The following DPYD variants were observed in gnomAD, a reference collection of about 807,000 sequenced individuals.
The protein encoded by DPYD is dihydropyrimidine dehydrogenase [NADP(+)].
In DPYD, 109 loss-of-function variants were observed where a neutral mutation model predicts 116.2. That is an observed-to-expected ratio of 0.94 (90% CI 0.80 to 1.10). The LOEUF (loss-of-function observed/expected upper bound fraction) is 1.10. DPYD is among the 50% of genes least tolerant of loss of function. DPYD has a pLI of 0.00. For synonymous variants in DPYD, 440 were observed against 432.0 expected (o/e 1.02, Z -0.23); for missense variants, 1,302 against 1,254.5 (o/e 1.04, Z -0.57).
At chr1:97,894,969 A>C (rs1672981055) in intron 1 of DPYD, among the ~76,000 whole-genome samples, 1 of 151,742 alleles carries the variant, frequency 6.6e-6, no homozygotes, top group South Asian at 2.1e-4. Flanking sequence ...CATATGTATA[A>C]ATTTATACAA....
chr1:97,301,062 A>G (rs951835584), intron 18 of DPYD, among the ~76,000 whole-genome samples: 10 of 152,100 alleles, frequency 6.6e-5, no homozygotes, highest in African/African-American at 2.4e-4. Flanking sequence ...TATCTCACAC[A>G]GCTAGATTTC....
At chr1:97,663,302 T>C (rs533335042) in intron 8 of DPYD, among the ~76,000 whole-genome samples, 28 of 152,292 alleles carry the variant, frequency 1.8e-4, no homozygotes, top group African/African-American at 6.5e-4. Flanking sequence ...TTTTATTTTA[T>C]TGGGTAATTG....
At chr1:97,134,359 C>T (rs1653620968) in intron 20 of DPYD, among the ~76,000 whole-genome samples, 1 of 152,020 alleles carries the variant, frequency 6.6e-6, no homozygotes, top group Non-Finnish European at 1.5e-5. Context: ...TTGGTATTCT[C>T]ACATCGTATG....
At chr1:97,233,487 G>A (rs759129805) in intron 19 of DPYD, among the ~76,000 whole-genome samples, 2 of 152,112 alleles carry the variant, frequency 1.3e-5, no homozygotes, top group Non-Finnish European at 1.5e-5. Flanking sequence ...GAGGGTGGAC[G>A]TCTAAGATCC....
intron 14 of DPYD, among the ~76,000 whole-genome samples, chr1:97,414,657 C>T (rs887659819): frequency 6.6e-6 from 1 of 152,200 alleles, no homozygotes; most frequent in Non-Finnish European, 1.5e-5. Flanking sequence ...TCATTTCTTA[C>T]TGGACTCTTA....
intron 1 of DPYD, among the ~76,000 whole-genome samples, chr1:97,891,867 A>T (rs1672796841): frequency 6.6e-6 from 1 of 151,860 alleles, no homozygotes; most frequent in Non-Finnish European, 1.5e-5. Context: ...TACCCTTTGC[A>T]TTCGAACTTA....
At chr1:97,367,657 G>A (rs1345583647) in intron 16 of DPYD, among the ~76,000 whole-genome samples, 3 of 152,030 alleles carry the variant, frequency 2.0e-5, no homozygotes, top group East Asian at 1.9e-4. Context: ...GTAAAGCTAC[G>A]GCAGTCTTCT....
intron 3 of DPYD, among the ~76,000 whole-genome samples, chr1:97,783,268 G>A (rs1252370681): frequency 6.6e-6 from 1 of 152,214 alleles, no homozygotes; most frequent in African/African-American, 2.4e-5. Context: ...TATACAAGAT[G>A]ACTTACACCA....
chr1:97,446,479 G>A (rs1429380567), intron 14 of DPYD, among the ~76,000 whole-genome samples: 1 of 152,146 alleles, frequency 6.6e-6, no homozygotes, highest in Non-Finnish European at 1.5e-5. Context: ...TGTGTACAAT[G>A]CTGATCTCTC....
intron 14 of DPYD, among the ~76,000 whole-genome samples, chr1:97,421,336 C>T (rs755914320): frequency 1.4e-4 from 21 of 152,084 alleles, no homozygotes; most frequent in Admixed American, 2.0e-4. Flanking sequence ...CAGAGATTAA[C>T]TATTTGCATG....
intron 16 of DPYD, among the ~76,000 whole-genome samples, chr1:97,348,536 T>C (rs559871234): frequency 3.9e-4 from 60 of 152,300 alleles, no homozygotes; most frequent in African/African-American, 1.4e-3. Flanking sequence ...CCACTTTGTC[T>C]GCACCTGGCT....
rs184401102 is a variant in DPYD, at chr1:97,665,514, G to A, written c.850+13581C>T. On this transcript the variant is annotated intron_variant, in intron 8 of 22. Transcript: ENST00000370192. ...ATAAAAAATTGAATTAGTCAGTCTT[G>A]AATTTAATAAATTTTTACAATAGAT... Among the ~76,000 whole-genome samples the A allele has an allele frequency of 1.3e-3, 194 of 152,078 alleles. 1 individual carries two copies. Among genetic ancestry groups the A allele is most frequent in the Non-Finnish European group, 2.5e-3 (169 of 67,968 alleles).
At chr1:97,266,581 C>T (rs559466078) in intron 18 of DPYD, among the ~76,000 whole-genome samples, 1 of 152,072 alleles carries the variant, frequency 6.6e-6, no homozygotes, top group East Asian at 1.9e-4. Flanking sequence ...GCACAACGGG[C>T]AGGTTTGTTA....
chr1:97,918,269 C>T (rs1045985166), intron 1 of DPYD, among the ~76,000 whole-genome samples: 6 of 152,054 alleles, frequency 3.9e-5, no homozygotes, highest in African/African-American at 1.4e-4. Context: ...GTTTATTATC[C>T]TTAGCAGATT....
At chr1:97,258,340 G>A (rs1371073459) in intron 18 of DPYD, among the ~76,000 whole-genome samples, 1 of 152,130 alleles carries the variant, frequency 6.6e-6, no homozygotes, top group African/African-American at 2.4e-5. Flanking sequence ...AGCCTACTAA[G>A]CCTGTGCTTC....
intron 18 of DPYD, among the ~76,000 whole-genome samples, chr1:97,290,148 C>T (rs1297394068): frequency 6.6e-6 from 1 of 152,144 alleles, no homozygotes; most frequent in Non-Finnish European, 1.5e-5. Flanking sequence ...TGAAGGACCT[C>T]TTCAAGGAGA....
At chr1:97,766,855 A>G (rs1314952869) in intron 3 of DPYD, among the ~76,000 whole-genome samples, 3 of 152,240 alleles carry the variant, frequency 2.0e-5, no homozygotes, top group African/African-American at 7.2e-5. Flanking sequence ...ATAGGAAAGA[A>G]TAAGTCTAAG....
intron 2 of DPYD, among the ~76,000 whole-genome samples, chr1:97,854,360 A>C (rs1226019900): frequency 2.0e-5 from 3 of 152,214 alleles, no homozygotes; most frequent in Non-Finnish European, 4.4e-5. Context: ...AGCTTACTGC[A>C]TATTCTCAAT....
intron 3 of DPYD, among the ~76,000 whole-genome samples, chr1:97,800,689 A>T (rs913462363): frequency 1.3e-5 from 2 of 151,768 alleles, no homozygotes; most frequent in African/African-American, 4.8e-5. Flanking sequence ...ATCTCTGTGG[A>T]CCTATTTGTA....
Sources: allele counts gnomAD v4.1 joint callset (sites outside exome capture counted in the v4.1 genomes callset), GRCh38; gene constraint gnomAD v4.1.1; transcripts MANE v1.5; gene names NCBI Gene and HGNC (gene_info 2026-07-23, HGNC 2026-07-21).